The following SAP30BP variants were observed in gnomAD, a reference collection of about 807,000 sequenced individuals.
SAP30BP encodes the protein SAP30 binding protein.
A neutral mutation model predicts 46.3 loss-of-function variants in SAP30BP; 31 were observed. That is an observed-to-expected ratio of 0.67 (90% CI 0.50 to 0.90). The LOEUF (loss-of-function observed/expected upper bound fraction) is 0.90, where lower values mean the gene tolerates loss of function less well. Among genes scored for constraint, SAP30BP ranks in the 40% least tolerant of loss-of-function variants. SAP30BP has a pLI of 0.00. For synonymous variants in SAP30BP, 169 were observed against 144.2 expected (o/e 1.17, Z -1.23); for missense variants, 312 against 391.0 (o/e 0.80, Z 1.70).
At chr17:75,703,644 T>C (rs1012366911) in intron 7 of SAP30BP, 164 bp from the exon 8 acceptor site, 36 of 703,540 alleles carry the variant, frequency 5.1e-5, no homozygotes, top group Non-Finnish European at 8.6e-5. Flanking sequence ...CGTGCTCCCA[T>C]GTTCTTCAGC....
At chr17:75,691,278 C>T (rs917004369) in intron 3 of SAP30BP, 6 of 368,184 alleles carry the variant, frequency 1.6e-5, no homozygotes, top group African/African-American at 4.3e-5. Context: ...TTATTTATTT[C>T]TTAGGCGTAG....
Position 75,707,508 on chromosome 17 carries a change from CAAAA to C in SAP30BP, c.*988_*991del, listed in dbSNP as rs1401896778. 1 of 152,682 alleles carries C rather than the reference CAAAA, an allele frequency of 6.5e-6. No individual in the cohort carries two copies. Among genetic ancestry groups the C allele is most frequent in the African/African-American group, 2.4e-5 (1 of 41,430 alleles). 9.5% of individuals were successfully genotyped at this position (152,682 alleles called of 1,614,324 possible). A position where few individuals can be genotyped will look rare whatever the true frequency, so the allele number is the denominator to read the frequency against. On this transcript the variant is annotated 3_prime_UTR_variant, in exon 11 of 11. Transcript: ENST00000584667. ...CCACTGGAGCGGAAGGGCTGTGTGTCAAAAGAAGGAAGCCAGGCTGTGAAGGGCC... is the reference window on the plus strand; with the variant it reads ...CCACTGGAGCGGAAGGGCTGTGTGTCGAAGGAAGCCAGGCTGTGAAGGGCC...
At chr17:75,686,049 A>G (rs888684899) in intron 3 of SAP30BP, among the ~76,000 whole-genome samples, 36 of 152,234 alleles carry the variant, frequency 2.4e-4, no homozygotes, top group African/African-American at 8.4e-4. Context: ...GTTCCATGTA[A>G]CAACATCAGG....
At position 75,707,799 on chromosome 17, in the gene SAP30BP, A is replaced by G. The variant is rs2060520768; in HGVS notation, c.*1278A>G. ...AGGGACTGTGAAAAGGCTTCCTGTG[A>G]CCTCCGATGGCGGCCCCTCATTGGC... On this transcript the variant is annotated 3_prime_UTR_variant, in exon 11 of 11. Transcript: ENST00000584667. 1.3e-5 allele frequency: 2 copies of G among 151,912 alleles called. No individual in the cohort carries two copies. Among genetic ancestry groups the G allele is most frequent in the Admixed American group, 1.3e-4 (2 of 15,232 alleles). 9.4% of individuals were successfully genotyped at this position (151,912 alleles called of 1,614,324 possible). A position where few individuals can be genotyped will look rare whatever the true frequency, so the allele number is the denominator to read the frequency against.
In SAP30BP at chr17:75,703,296, G is replaced by A. The variant is rs780883544; in HGVS notation, c.489-15G>A. The A allele has an allele frequency of 3.7e-6, 6 of 1,613,866 alleles. No homozygotes were observed. Among genetic ancestry groups the A allele is most frequent in the Non-Finnish European group, 5.1e-6 (6 of 1,179,834 alleles). On this transcript the variant is annotated splice_polypyrimidine_tract_variant and intron_variant, in intron 6 of 10. Coordinates refer to ENST00000584667, the MANE Select transcript of SAP30BP (RefSeq NM_013260.8). The stretch of plus-strand genomic sequence containing the variant: ...GTGGACTTGTGCCTGCTCAGCGCCG[G>A]CACTGTTCTTTCAGCATCTACGAGA...
At chr17:75,691,304 G>A in intron 3 of SAP30BP, 1 of 394,472 alleles carries the variant, frequency 2.5e-6, no homozygotes, top group Non-Finnish European at 5.0e-6. Context: ...ATAATTTAGG[G>A]GGAACTGAAG....
chr17:75,692,630 A>G, intron 3 of SAP30BP: 1 of 432,968 alleles, frequency 2.3e-6, no homozygotes, highest in Non-Finnish European at 3.1e-6. Flanking sequence ...GGTTTAGATG[A>G]AACATTTACT....
Position 75,674,712 on chromosome 17 carries a change from T to G in SAP30BP, c.264+2849T>G, listed in dbSNP as rs542398674. On this transcript the variant is annotated intron_variant, in intron 3 of 10. Coordinates refer to ENST00000584667, the MANE Select transcript of SAP30BP (RefSeq NM_013260.8). ...TTTGTTTTTTGTTTTTTTTTTTTTT[T>G]TTTTTTTTTTTTTGAGGTGGAGTCT... is the stretch of plus-strand genomic sequence containing the variant. 6.4e-4 allele frequency among the ~76,000 whole-genome samples: 84 copies of G among 132,246 alleles called. 5 individuals are homozygous for G. The highest frequency in any genetic ancestry group is 1.9e-3 in the African/African-American group (65 of 34,898). 86.8% of individuals were successfully genotyped at this position (132,246 alleles called of 152,430 possible).
rs200089501 is a variant in SAP30BP, at chr17:75,705,160, G to A, written c.660+346G>A. 9.8e-5 allele frequency: 30 copies of A among 306,202 alleles called. No homozygotes were observed. The East Asian group carries it at 1.0e-3, about 11-fold the overall frequency. The allele number at this position is 306,202 out of a possible 1,614,324, so 19.0% of individuals were successfully genotyped here. On this transcript the variant is annotated intron_variant, in intron 9 of 10. Transcript: ENST00000584667. The stretch of plus-strand genomic sequence containing the variant: ...TAAGAGAGTGCCAGGCCCAGCTTGC[G>A]CTGCTCGGTGAGTGTCTTGGCCTCC...
At chr17:75,669,069 TTTTTC>T (rs2059865903) in intron 2 of SAP30BP, among the ~76,000 whole-genome samples, 1 of 151,234 alleles carries the variant, frequency 6.6e-6, no homozygotes, top group Non-Finnish European at 1.5e-5. Context: ...TTTCACCTGC[TTTTTC>T]TTTTCTTTTT....
chr17:75,698,029 C>G (rs2060348662), intron 4 of SAP30BP, among the ~76,000 whole-genome samples: 1 of 152,238 alleles, frequency 6.6e-6, no homozygotes, highest in Non-Finnish European at 1.5e-5. Flanking sequence ...CCACCCTGCC[C>G]TGGCTGCTCT....
intron 3 of SAP30BP, among the ~76,000 whole-genome samples, chr17:75,685,346 G>C (rs2060141275): frequency 6.6e-6 from 1 of 152,200 alleles, no homozygotes; most frequent in Non-Finnish European, 1.5e-5. Context: ...ATGCTGCTGT[G>C]TGATTTCTGG....
intron 6 of SAP30BP, 77 bp from the exon 7 acceptor site, chr17:75,703,234 C>A: frequency 1.5e-6 from 2 of 1,373,852 alleles, no homozygotes; most frequent in Non-Finnish European, 2.1e-6. Flanking sequence ...TTTGTGTCAG[C>A]CCCAGGAGCT....
chr17:75,680,422 C>T (rs544804032), intron 3 of SAP30BP, among the ~76,000 whole-genome samples: 14 of 152,124 alleles, frequency 9.2e-5, no homozygotes, highest in African/African-American at 2.7e-4. Context: ...ACTTGTGGTC[C>T]GAAGACCTGG....
rs752358977 is a variant in SAP30BP, at chr17:75,703,387, G to T, written c.549+16G>T. ...CTACCCAAAGGTGCGTCTGGCACACGGGGCTGGAGGGTGATGGGGACACCC... is the reference window on the plus strand; with the variant it reads ...CTACCCAAAGGTGCGTCTGGCACACTGGGCTGGAGGGTGATGGGGACACCC... On this transcript the variant is annotated intron_variant, in intron 7 of 10. Coordinates refer to ENST00000584667, the MANE Select transcript of SAP30BP (RefSeq NM_013260.8). The T allele has an allele frequency of 9.9e-6, 16 of 1,611,866 alleles. No individual in the cohort carries two copies. The highest frequency in any genetic ancestry group is 2.5e-6 in the Non-Finnish European group (3 of 1,178,830).
intron 5 of SAP30BP, among the ~76,000 whole-genome samples, chr17:75,702,053 T>C (rs2060419650): frequency 6.6e-6 from 1 of 152,192 alleles, no homozygotes; most frequent in African/African-American, 2.4e-5. Flanking sequence ...CGAGACAGTC[T>C]CACTGCATCA....
chr17:75,701,246 G>A (rs896234796), intron 5 of SAP30BP, among the ~76,000 whole-genome samples: 6 of 152,336 alleles, frequency 3.9e-5, no homozygotes, highest in African/African-American at 1.4e-4. Flanking sequence ...TTCCCTTCTG[G>A]AGAATCTATA....
intron 1 of SAP30BP, chr17:75,668,226 C>T (rs2059835994): frequency 3.1e-6 from 1 of 319,552 alleles, no homozygotes; most frequent in East Asian, 5.7e-5. Context: ...AGAAAGTTCT[C>T]TGATGGTTTC....
intron 3 of SAP30BP, chr17:75,692,515 A>G: frequency 1.0e-6 from 1 of 985,472 alleles, no homozygotes; most frequent in South Asian, 4.7e-5. Context: ...CAACCCAGAA[A>G]TGGGGGAAAC....
Sources: gnomAD v4.1 joint callset for allele counts (sites outside exome capture counted in the v4.1 genomes callset) on GRCh38, gnomAD v4.1.1 for gene constraint, MANE v1.5 for transcripts, NCBI Gene and HGNC (gene_info 2026-07-23, HGNC 2026-07-21) for gene names.